Variants in ADAMTSL1 observed in about 807,000 individuals in gnomAD.
ADAMTSL1 encodes ADAMTS-like protein 1.
In ADAMTSL1, 126 loss-of-function variants were observed where a neutral mutation model predicts 201.8. That is an observed-to-expected ratio of 0.62 (90% confidence interval 0.54 to 0.72). The LOEUF is 0.72. Among genes scored for constraint, ADAMTSL1 ranks in the 30% least tolerant of loss-of-function variants. The probability of loss-of-function intolerance (pLI) is 0.00; values close to 1 mark genes in which losing one functional copy is unlikely to be tolerated. For missense variants in ADAMTSL1, 2,679 were observed against 2,277.8 expected, an observed-to-expected ratio of 1.18 and a Z score of -3.59; for synonymous variants, 1,121 against 903.4, an observed-to-expected ratio of 1.24 and a Z score of -4.32.
intron 2 of ADAMTSL1, among the ~76,000 whole-genome samples, chr9:18,217,293 C>A (rs72684918): frequency 0.033 from 4,974 of 152,180 alleles, 124 homozygotes; most frequent in Non-Finnish European, 0.053. Context: ...AGATGAGGAG[C>A]CTGAGGCCCA....
intron 23 of ADAMTSL1, among the ~76,000 whole-genome samples, chr9:18,834,016 C>A (rs972752611): frequency 6.6e-6 from 1 of 152,034 alleles, no homozygotes; most frequent in Admixed American, 6.6e-5. Flanking sequence ...GGCCTTATTT[C>A]TGGGTTCTCT....
At chr9:18,069,654 G>T (rs187641070) in intron 1 of ADAMTSL1, among the ~76,000 whole-genome samples, 1 of 152,244 alleles carries the variant, frequency 6.6e-6, no homozygotes, top group East Asian at 1.9e-4. Context: ...CTGCTGAAGT[G>T]TTTATTTATT....
At chr9:18,849,444 T>C (rs753453986) in intron 23 of ADAMTSL1, among the ~76,000 whole-genome samples, 2 of 152,194 alleles carry the variant, frequency 1.3e-5, no homozygotes, top group African/African-American at 4.8e-5. Context: ...GAAGCCATTT[T>C]TTATCATAAT....
chr9:18,735,897 T>TA (rs5896803), intron 15 of ADAMTSL1, among the ~76,000 whole-genome samples: 1,893 of 143,776 alleles, frequency 0.013, 16 homozygotes, highest in African/African-American at 0.028. Flanking sequence ...TCTCTCAAAT[T>TA]AAAAAAAAAA....
chr9:18,018,929 A>G (rs999721921), intron 1 of ADAMTSL1, among the ~76,000 whole-genome samples: 3 of 152,090 alleles, frequency 2.0e-5, no homozygotes, highest in Non-Finnish European at 4.4e-5. Context: ...TGGCTTTGGA[A>G]CCAGGTAGTG....
At chr9:18,576,039 G>A (rs1265952449) in intron 4 of ADAMTSL1, among the ~76,000 whole-genome samples, 1 of 152,136 alleles carries the variant, frequency 6.6e-6, no homozygotes, top group Non-Finnish European at 1.5e-5. Context: ...TAAATATGGA[G>A]TGATAGTACT....
At chr9:18,540,423 C>T (rs1031247184) in intron 3 of ADAMTSL1, among the ~76,000 whole-genome samples, 78 of 152,268 alleles carry the variant, frequency 5.1e-4, no homozygotes, top group African/African-American at 1.8e-3. Flanking sequence ...GAGGGTTGCT[C>T]TACCTGAGGT....
In ADAMTSL1 at chr9:18,219,675, A is replaced by G. The variant is rs545652919; in HGVS notation, c.207+55694A>G. On this transcript the variant is annotated intron_variant, in intron 2 of 29. Coordinates refer to the ADAMTSL1 transcript ENST00000680146. ...GCCCAGCCTATATGTACATTTAATT[A>G]AAGTAACTTTGTCTTTTAATAAAGT... Among the ~76,000 whole-genome samples the G allele has an allele frequency of 2.0e-5, 3 of 152,320 alleles. No individual in the cohort carries two copies. The South Asian group carries it at 6.2e-4, about 32-fold the overall frequency.
At chr9:18,293,673 C>G (rs1022584367) in intron 2 of ADAMTSL1, among the ~76,000 whole-genome samples, 12 of 152,178 alleles carry the variant, frequency 7.9e-5, no homozygotes, top group African/African-American at 2.9e-4. Context: ...TGCAATTTGG[C>G]CTTATTTCCC....
rs1365346730 is a variant in ADAMTSL1 at position 18,717,956 on chromosome 9, G to C, written c.1877-3580G>C. 5 of 1,453,170 alleles carry C rather than the reference G, an allele frequency of 3.4e-6. No individual in the cohort carries two copies. In the South Asian group the frequency reaches 5.7e-5, roughly 17 times the overall value. 90.0% of individuals were successfully genotyped at this position (1,453,170 alleles called of 1,614,324 possible). A position where few individuals can be genotyped will look rare whatever the true frequency, so the allele number is the denominator to read the frequency against. ...AGTTCTTCAGAGCTGACTCAGAGCT[G>C]CAATGCACTTAGTACATTAAAGCAG... On this transcript the variant is annotated intron_variant, in intron 14 of 28. Transcript: ENST00000380548.
At chr9:18,514,734 A>T (rs1431557929) in intron 2 of ADAMTSL1, among the ~76,000 whole-genome samples, 1 of 152,242 alleles carries the variant, frequency 6.6e-6, no homozygotes, top group Non-Finnish European at 1.5e-5. Context: ...TGTCATCTGC[A>T]AATAGAGATA....
chr9:18,712,765 C>G (rs563449828), intron 14 of ADAMTSL1, among the ~76,000 whole-genome samples: 1 of 152,090 alleles, frequency 6.6e-6, no homozygotes, highest in South Asian at 2.1e-4. Flanking sequence ...AAAGATACTC[C>G]TCGAGAAGAA....
At chr9:18,634,603 G>C (rs1826980804) in intron 5 of ADAMTSL1, among the ~76,000 whole-genome samples, 1 of 151,932 alleles carries the variant, frequency 6.6e-6, no homozygotes, top group African/African-American at 2.4e-5. Flanking sequence ...ACTTTGGGAG[G>C]CTGAGGTGAG....
intron 1 of ADAMTSL1, among the ~76,000 whole-genome samples, chr9:17,972,999 T>G (rs189152335): frequency 0.23 from 32,879 of 143,926 alleles, 4,087 homozygotes; most frequent in African/African-American, 0.28. Flanking sequence ...TCACCCACTT[T>G]TTGATGGGGT....
intron 2 of ADAMTSL1, among the ~76,000 whole-genome samples, chr9:18,176,436 T>C (rs1430539032): frequency 1.3e-5 from 2 of 152,212 alleles, no homozygotes; most frequent in Non-Finnish European, 2.9e-5. Flanking sequence ...ATAATAATTA[T>C]AGTTATTGAC....
intron 2 of ADAMTSL1, among the ~76,000 whole-genome samples, chr9:18,222,273 A>G (rs762940515): frequency 6.6e-6 from 1 of 151,804 alleles, no homozygotes; most frequent in African/African-American, 2.4e-5. Context: ...GTCAATTTGT[A>G]TAATTGTTCT....
chr9:18,240,140 T>C (rs1233887409), intron 2 of ADAMTSL1, among the ~76,000 whole-genome samples: 24 of 152,176 alleles, frequency 1.6e-4, no homozygotes, highest in Admixed American at 1.6e-3. Context: ...TGAGAAATTA[T>C]AATCTATGGC....
At chr9:18,618,119 A>G (rs905769877) in intron 4 of ADAMTSL1, among the ~76,000 whole-genome samples, 3 of 152,224 alleles carry the variant, frequency 2.0e-5, no homozygotes, top group Non-Finnish European at 4.4e-5. Context: ...TCTCTAAAAA[A>G]TAATAGCCCT....
At chr9:18,227,700 A>C (rs1830481909) in intron 2 of ADAMTSL1, among the ~76,000 whole-genome samples, 1 of 152,160 alleles carries the variant, frequency 6.6e-6, no homozygotes, top group African/African-American at 2.4e-5. Context: ...GAAGACTTAG[A>C]TTAATCTCTT....
Sources: gnomAD v4.1 joint callset for allele counts (sites outside exome capture counted in the v4.1 genomes callset) on GRCh38, gnomAD v4.1.1 for gene constraint, MANE v1.5 for transcripts, NCBI Gene and HGNC (gene_info 2026-07-23, HGNC 2026-07-21) for gene names.